Variants in NCKAP1 observed in about 807,000 individuals in gnomAD.
NCKAP1 encodes the protein NCK associated protein 1.
Under a neutral mutation model 151.2 loss-of-function variants are expected in NCKAP1, and 21 were observed. The ratio of observed to expected loss-of-function variants is 0.14; its 90% CI spans 0.10 to 0.20. The LOEUF (loss-of-function observed/expected upper bound fraction) is 0.20, where lower values mean the gene tolerates loss of function less well. Ranked by LOEUF, NCKAP1 falls within the 10% of genes least tolerant of loss-of-function variation. NCKAP1 has a pLI of 1.00. For synonymous variants in NCKAP1, 484 were observed against 451.8 expected (o/e 1.07, Z -0.90); for missense variants, 933 against 1,352.1 (o/e 0.69, Z 4.86).
intron 24 of NCKAP1, 52 bp from the exon 25 acceptor site, chr2:182,935,427 T>A: frequency 8.8e-7 from 1 of 1,134,304 alleles, no homozygotes; most frequent in Non-Finnish European, 1.2e-6. Flanking sequence ...TGAACTGGAT[T>A]CTTTCTTAAA....
At chr2:182,938,307 T>G (rs1696923169) in intron 24 of NCKAP1, among the ~76,000 whole-genome samples, 1 of 151,860 alleles carries the variant, frequency 6.6e-6, no homozygotes. Flanking sequence ...GAGTAAGATA[T>G]CACAAGCTGA....
chr2:182,987,243 A>T (rs1698075474), intron 9 of NCKAP1, among the ~76,000 whole-genome samples: 1 of 152,164 alleles, frequency 6.6e-6, no homozygotes, highest in African/African-American at 2.4e-5. Context: ...CTCTTGTCTC[A>T]AAAACAAATA....
At chr2:182,970,918 C>A (rs998885672) in intron 15 of NCKAP1, among the ~76,000 whole-genome samples, 2 of 151,968 alleles carry the variant, frequency 1.3e-5, no homozygotes, top group Non-Finnish European at 2.9e-5. Flanking sequence ...ATAAACTCAA[C>A]ATACAAAAAT....
At chr2:182,969,123 A>T (rs1245850290) in intron 15 of NCKAP1, among the ~76,000 whole-genome samples, 1 of 152,224 alleles carries the variant, frequency 6.6e-6, no homozygotes, top group Non-Finnish European at 1.5e-5. Flanking sequence ...GAGTTCCATT[A>T]ACTGTCCCAC....
chr2:182,966,478 G>GGT (rs1205443536), intron 16 of NCKAP1, among the ~76,000 whole-genome samples: 1 of 152,048 alleles, frequency 6.6e-6, no homozygotes, highest in African/African-American at 2.4e-5. Flanking sequence ...GTAGAGATGG[G>GGT]GTTTCACTAT....
At chr2:182,977,028 A>C in intron 14 of NCKAP1, 77 bp from the exon 15 acceptor site, 1 of 1,012,020 alleles carries the variant, frequency 9.9e-7, no homozygotes, top group Non-Finnish European at 1.4e-6. Flanking sequence ...TTTAAATTTT[A>C]AGAGCTAAGA....
Position 182,961,699 on chromosome 2 carries a change from T to C in NCKAP1, c.1881+460A>G, listed in dbSNP as rs1017992836. Among the ~76,000 whole-genome samples, 3 of 152,006 alleles carry C rather than the reference T, an allele frequency of 2.0e-5. No homozygotes were observed. In the South Asian group the frequency reaches 6.2e-4, roughly 32 times the overall value. ...ACCTATGTAACTAACCTGCACGTTGTGCACATGTACCCTAAAACTTAAAGT... is the reference window on the plus strand; with the variant it reads ...ACCTATGTAACTAACCTGCACGTTGCGCACATGTACCCTAAAACTTAAAGT... On this transcript the variant is annotated intron_variant, in intron 18 of 30. Coordinates refer to ENST00000361354, the MANE Select transcript of NCKAP1 (RefSeq NM_013436.5).
At position 182,912,187 on chromosome 2, in the gene NCKAP1, A is replaced by C. The variant is rs1696405637; in HGVS notation, c.*13515T>G. The C allele has an allele frequency of 6.6e-6, 1 of 152,236 alleles. No homozygotes were observed. The highest frequency in any genetic ancestry group is 1.5e-5 in the Non-Finnish European group (1 of 68,034). 9.4% of individuals were successfully genotyped at this position (152,236 alleles called of 1,614,324 possible). ...AAAATATCTTTGGATATTGGCAAAA[A>C]TTTAGGGAGCTTTTTGATATGAGAA... On this transcript the variant is annotated 3_prime_UTR_variant, in exon 31 of 31. Transcript: ENST00000361354.
intron 15 of NCKAP1, among the ~76,000 whole-genome samples, chr2:182,968,651 C>A (rs1436397327): frequency 6.6e-6 from 1 of 152,182 alleles, no homozygotes; most frequent in African/African-American, 2.4e-5. Flanking sequence ...TTCATTTTGG[C>A]TCCTCTGTAC....
intron 2 of NCKAP1, among the ~76,000 whole-genome samples, chr2:183,004,218 C>G (rs1698424363): frequency 6.6e-6 from 1 of 150,850 alleles, no homozygotes; most frequent in South Asian, 2.1e-4. Context: ...GTGTTGTAAA[C>G]ACACATTAAA....
At chr2:183,007,757 G>C (rs1000070091) in intron 2 of NCKAP1, among the ~76,000 whole-genome samples, 1 of 152,116 alleles carries the variant, frequency 6.6e-6, no homozygotes, top group African/African-American at 2.4e-5. Context: ...AAGTAAGAGT[G>C]CACTGAGATG....
intron 6 of NCKAP1, among the ~76,000 whole-genome samples, chr2:182,998,834 C>CAAAAAAA (rs1160835228): frequency 4.5e-5 from 2 of 44,502 alleles, no homozygotes; most frequent in East Asian, 8.7e-4. Flanking sequence ...AAGACTCCAA[C>CAAAAAAA]AAAAAAAAAA....
chr2:182,984,761 T>C (rs745501022), intron 10 of NCKAP1, among the ~76,000 whole-genome samples: 7 of 152,202 alleles, frequency 4.6e-5, no homozygotes, highest in Non-Finnish European at 7.4e-5. Context: ...AATGTTATTT[T>C]GATTATTTTA....
chr2:183,000,133 C>T (rs1698349730), intron 6 of NCKAP1, among the ~76,000 whole-genome samples: 1 of 152,078 alleles, frequency 6.6e-6, no homozygotes, highest in Non-Finnish European at 1.5e-5. Flanking sequence ...AAGTGTACCC[C>T]ATGAATCTAA....
In NCKAP1 at chr2:182,918,661, T is replaced by C. The variant is rs1204613518; in HGVS notation, c.*7041A>G. ...GTATGCAAAGGCATACAGAGTGATA[T>C]CATGGACTTTGGAGACTCAGAAGTG... On this transcript the variant is annotated 3_prime_UTR_variant, in exon 31 of 31. Coordinates refer to ENST00000361354, the MANE Select transcript of NCKAP1 (RefSeq NM_013436.5). The C allele has an allele frequency of 6.6e-6, 1 of 152,166 alleles. No individual in the cohort carries two copies. Among genetic ancestry groups the C allele is most frequent in the Non-Finnish European group, 1.5e-5 (1 of 68,036 alleles). The allele number at this position is 152,166 out of a possible 1,614,324, so 9.4% of individuals were successfully genotyped here.
chr2:182,964,864 A>ATAGT, intron 16 of NCKAP1, 56 bp from the exon 17 acceptor site: 1 of 1,371,464 alleles, frequency 7.3e-7, no homozygotes, highest in African/African-American at 1.5e-5. Flanking sequence ...GTTTTCTGAT[A>ATAGT]TAGTACCTTA....
In NCKAP1 at chr2:182,925,582, G is replaced by A. The variant is rs1410044675; in HGVS notation, c.*120C>T. 5.9e-6 allele frequency: 3 copies of A among 509,668 alleles called. No individual in the cohort carries two copies. Among genetic ancestry groups the A allele is most frequent in the Non-Finnish European group, 1.1e-5 (3 of 280,884 alleles). 31.6% of individuals were successfully genotyped at this position (509,668 alleles called of 1,614,324 possible). A position where few individuals can be genotyped will look rare whatever the true frequency, so the allele number is the denominator to read the frequency against. On this transcript the variant is annotated 3_prime_UTR_variant, in exon 31 of 31. Coordinates refer to ENST00000361354, the MANE Select transcript of NCKAP1 (RefSeq NM_013436.5). ...AAACCAATGATCAGAAAATACAACC[G>A]TATGAAAGAAATTTATAATCCACAA...
chr2:182,963,075 G>C (rs1460519355), intron 17 of NCKAP1, among the ~76,000 whole-genome samples: 1 of 151,872 alleles, frequency 6.6e-6, no homozygotes, highest in Non-Finnish European at 1.5e-5. Context: ...GATGAAATAA[G>C]TGTAAAATAC....
At chr2:182,958,076 G>A (rs1437848363) in intron 18 of NCKAP1, among the ~76,000 whole-genome samples, 1 of 152,158 alleles carries the variant, frequency 6.6e-6, no homozygotes, top group African/African-American at 2.4e-5. Flanking sequence ...GCTAGAGGTT[G>A]GATTGTAAAC....
Sources: gnomAD v4.1 joint callset for allele counts (sites outside exome capture counted in the v4.1 genomes callset) on GRCh38, gnomAD v4.1.1 for gene constraint, MANE v1.5 for transcripts, NCBI Gene and HGNC (gene_info 2026-07-23, HGNC 2026-07-21) for gene names.